Variants in PPP4R3B observed in about 807,000 individuals in gnomAD.
PPP4R3B encodes serine/threonine-protein phosphatase 4 regulatory subunit 3B.
In PPP4R3B, 52 loss-of-function variants were observed where a neutral mutation model predicts 95.4. The observed-to-expected ratio is 0.54, with a 90% CI of 0.44 to 0.69. The LOEUF is 0.69. PPP4R3B is among the 30% of genes least tolerant of loss of function. The pLI is 0.00. For synonymous variants in PPP4R3B, 407 were observed against 343.9 expected (o/e 1.18, Z -2.03); for missense variants, 1,003 against 1,005.9 (o/e 1.00, Z 0.04).
At chr2:55,559,282 G>GT (rs1424218920) in intron 15 of PPP4R3B, among the ~76,000 whole-genome samples, 1 of 152,030 alleles carries the variant, frequency 6.6e-6, no homozygotes, top group East Asian at 1.9e-4. Flanking sequence ...GGAGGCAGAG[G>GT]TTGTGGTGAG....
At chr2:55,600,581 G>A (rs1692428136) in intron 3 of PPP4R3B, among the ~76,000 whole-genome samples, 1 of 151,910 alleles carries the variant, frequency 6.6e-6, no homozygotes. Flanking sequence ...ATGATTTTGT[G>A]AAATATCATG....
At chr2:55,605,342 T>C (rs553145079) in intron 2 of PPP4R3B, among the ~76,000 whole-genome samples, 14 of 152,314 alleles carry the variant, frequency 9.2e-5, no homozygotes, top group African/African-American at 3.1e-4. Flanking sequence ...ATAAATATCA[T>C]GACCTGACAT....
At chr2:55,553,449 A>T (rs1049278058) in intron 16 of PPP4R3B, among the ~76,000 whole-genome samples, 1 of 152,236 alleles carries the variant, frequency 6.6e-6, no homozygotes, top group African/African-American at 2.4e-5. Context: ...TCAAGTTTTT[A>T]AAGTGTATAA....
intron 2 of PPP4R3B, 39 bp downstream of exon 2, chr2:55,615,412 A>C: frequency 7.1e-7 from 1 of 1,407,390 alleles, no homozygotes; most frequent in South Asian, 1.2e-5. Flanking sequence ...CCTTGATCAC[A>C]GATGAAGTCT....
intron 4 of PPP4R3B, among the ~76,000 whole-genome samples, chr2:55,594,423 G>A (rs1691481270): frequency 6.6e-6 from 1 of 152,016 alleles, no homozygotes; most frequent in Admixed American, 6.6e-5. Context: ...TGCATCTCAT[G>A]AAGCAGAAAT....
chr2:55,570,613 T>C (rs2104022159), intron 12 of PPP4R3B, among the ~76,000 whole-genome samples: 1 of 152,358 alleles, frequency 6.6e-6, no homozygotes, highest in Non-Finnish European at 1.5e-5. Context: ...CAGATACCAC[T>C]AGTCAAATCT....
intron 1 of PPP4R3B, chr2:55,616,714 G>GCA (rs1291507567): frequency 6.5e-6 from 1 of 152,826 alleles, no homozygotes; most frequent in Non-Finnish European, 1.5e-5. Flanking sequence ...GGCACCTGGG[G>GCA]CCCGTTGGTA....
intron 2 of PPP4R3B, among the ~76,000 whole-genome samples, chr2:55,608,164 C>T (rs375089426): frequency 3.7e-4 from 56 of 152,158 alleles, no homozygotes; most frequent in African/African-American, 8.7e-4. Context: ...GCCACCACAC[C>T]GGATTAATTT....
At position 55,617,316 on chromosome 2, in the gene PPP4R3B, C is replaced by A. The variant is rs1035000557; in HGVS notation, c.-31G>T. ...CTGCTGTCTCCACCGCTCTAGCCGC[C>A]GCCTCCTCGCTTACCTCGTCCGCGC... On this transcript the variant is annotated 5_prime_UTR_variant, in exon 1 of 17. Coordinates refer to ENST00000616407, the MANE Select transcript of PPP4R3B (RefSeq NM_001122964.3). 1.9e-6 allele frequency: 3 copies of A among 1,550,594 alleles called. No individual in the cohort carries two copies. In the East Asian group the frequency reaches 7.0e-5, roughly 36 times the overall value.
chr2:55,610,885 T>G (rs1038841490), intron 2 of PPP4R3B, among the ~76,000 whole-genome samples: 1 of 151,418 alleles, frequency 6.6e-6, no homozygotes, highest in Non-Finnish European at 1.5e-5. Context: ...TTTTTTTTTT[T>G]GAGAGAGTCT....
intron 15 of PPP4R3B, among the ~76,000 whole-genome samples, chr2:55,559,283 T>C (rs1574679968): frequency 1.3e-5 from 2 of 151,794 alleles, no homozygotes; most frequent in African/African-American, 4.8e-5. Context: ...GAGGCAGAGG[T>C]TGTGGTGAGC....
In PPP4R3B at chr2:55,562,460, C is replaced by T. The variant is rs563020895; in HGVS notation, c.2260+1853G>A. On this transcript the variant is annotated intron_variant, in intron 15 of 16. Transcript: ENST00000616407. ...AACAAACAAAAGTGCATGGCACCTC[C>T]TCCTTCACACTCTCTGTCTCCCGCT... 7.9e-5 allele frequency among the ~76,000 whole-genome samples: 12 copies of T among 152,190 alleles called. No individual in the cohort carries two copies. The South Asian group carries it at 2.3e-3, about 29-fold the overall frequency.
chr2:55,587,743 G>A (rs1690354503), intron 5 of PPP4R3B, among the ~76,000 whole-genome samples: 1 of 152,096 alleles, frequency 6.6e-6, no homozygotes, highest in Non-Finnish European at 1.5e-5. Flanking sequence ...CTCTAGCTGG[G>A]TCCCCAGTAA....
intron 2 of PPP4R3B, among the ~76,000 whole-genome samples, chr2:55,610,576 CTAAG>C (rs1186555010): frequency 6.6e-6 from 1 of 152,026 alleles, no homozygotes; most frequent in Non-Finnish European, 1.5e-5. Flanking sequence ...TTCTACTGCT[CTAAG>C]TCTGTGGAAA....
intron 2 of PPP4R3B, among the ~76,000 whole-genome samples, chr2:55,612,693 C>T (rs948733029): frequency 3.9e-5 from 6 of 152,030 alleles, no homozygotes; most frequent in African/African-American, 7.3e-5. Context: ...ACCTGTAATC[C>T]CAGCACTTTG....
chr2:55,605,206 A>C lies in PPP4R3B; in HGVS notation c.199-1130T>G, dbSNP rs147429991. Reference sequence around the variant, plus strand: ...ATGAACAATCTTTTAAGGATATATAATAATGAAAGTTTAACGTGGCTAAAA... The same window carrying C: ...ATGAACAATCTTTTAAGGATATATACTAATGAAAGTTTAACGTGGCTAAAA... On this transcript the variant is annotated intron_variant, in intron 2 of 16. Coordinates refer to ENST00000616407, the MANE Select transcript of PPP4R3B (RefSeq NM_001122964.3). Among the ~76,000 whole-genome samples, 1,242 of 152,310 alleles carry C rather than the reference A, an allele frequency of 8.2e-3. 17 individuals carry two copies. The highest frequency in any genetic ancestry group is 0.028 in the African/African-American group (1,146 of 41,566).
At chr2:55,568,481 G>A in intron 12 of PPP4R3B, 118 bp from the exon 13 acceptor site, 4 of 784,282 alleles carry the variant, frequency 5.1e-6, no homozygotes, top group Non-Finnish European at 5.4e-6. Context: ...GTAAAACTGT[G>A]TATAAAGTAA....
At position 55,548,557 on chromosome 2, in the gene PPP4R3B, G is replaced by C. The variant is rs994166370; in HGVS notation, c.*1354C>G. The C allele has an allele frequency of 6.6e-6, 1 of 152,430 alleles. No individual in the cohort carries two copies. The highest frequency in any genetic ancestry group is 1.5e-5 in the Non-Finnish European group (1 of 68,004). The allele number at this position is 152,430 out of a possible 1,614,324, so 9.4% of individuals were successfully genotyped here. On this transcript the variant is annotated 3_prime_UTR_variant, in exon 17 of 17. Transcript: ENST00000616407. ...GACAGCTCATCTTTTCCAAACAATA[G>C]CCAAAATTAAAATTAACTACAAAAT...
intron 8 of PPP4R3B, among the ~76,000 whole-genome samples, chr2:55,580,508 C>G (rs1483368094): frequency 6.6e-6 from 1 of 152,144 alleles, no homozygotes; most frequent in Non-Finnish European, 1.5e-5. Context: ...CAATTAAGCC[C>G]ATGTGATAGC....
Sources: allele counts gnomAD v4.1 joint callset (sites outside exome capture counted in the v4.1 genomes callset), GRCh38; gene constraint gnomAD v4.1.1; transcripts MANE v1.5; gene names NCBI Gene and HGNC (gene_info 2026-07-23, HGNC 2026-07-21).